The following CACNA1D variants were observed in gnomAD, a reference collection of about 807,000 sequenced individuals.
CACNA1D encodes calcium voltage-gated channel subunit alpha1 D, also known as voltage-dependent L-type calcium channel subunit alpha-1D.
Under a neutral mutation model 257.1 loss-of-function variants are expected in CACNA1D, and 55 were observed. The observed-to-expected ratio is 0.21, with a 90% confidence interval of 0.17 to 0.27. The LOEUF (loss-of-function observed/expected upper bound fraction) is 0.27. Ranked by LOEUF, CACNA1D falls within the 10% of genes least tolerant of loss-of-function variation. The pLI is 1.00. For missense variants in CACNA1D, 1,876 were observed against 2,784.0 expected, an observed-to-expected ratio of 0.67 and a Z score of 7.34; for synonymous variants, 980 against 1,014.9, an observed-to-expected ratio of 0.97 and a Z score of 0.65.
Position 53,774,882 on chromosome 3 carries a change from G to T in CACNA1D, c.4202+204G>T, listed in dbSNP as rs190083363. Among the ~76,000 whole-genome samples, 3 of 152,238 alleles carry T rather than the reference G, an allele frequency of 2.0e-5. No homozygotes were observed. The highest frequency in any genetic ancestry group is 6.5e-5 in the Admixed American group (1 of 15,278). On this transcript the variant is annotated intron_variant, in intron 34 of 47. Transcript: ENST00000350061. This position sits in a 1 kb window ranked among gnomAD's most constrained non-coding sequence, Gnocchi z 4.3. ...ATTTTGCTGGATTGTTAAAACTGCTGTGGTAATCCCGATTGTGGCTGGCAT... is the reference window on the plus strand; with the variant it reads ...ATTTTGCTGGATTGTTAAAACTGCTTTGGTAATCCCGATTGTGGCTGGCAT...
Position 53,761,932 on chromosome 3 carries a change from A to G in CACNA1D, c.3787-66A>G, listed in dbSNP as rs1576589539. On this transcript the variant is annotated intron_variant, in intron 29 of 47. Coordinates refer to ENST00000350061, the MANE Select transcript of CACNA1D (RefSeq NM_001128840.3). ...GCGGCAGGGACTCGGATTCGCCCCT[A>G]TACGGTCCGTGTGGTGGGTCATTCA... is the stretch of plus-strand genomic sequence containing the variant. 4.4e-6 allele frequency: 5 copies of G among 1,144,842 alleles called. No individual in the cohort carries two copies. In the South Asian group the frequency reaches 4.9e-5, roughly 11 times the overall value. 70.9% of individuals were successfully genotyped at this position (1,144,842 alleles called of 1,614,324 possible). A position where few individuals can be genotyped will look rare whatever the true frequency, so the allele number is the denominator to read the frequency against.
chr3:53,770,412 A>G lies in CACNA1D; in HGVS notation c.3916-12A>G, dbSNP rs754310744. ...TTCCATTGGGTTTGACCTCTCCATGATAACCCTTCAGAACTCTGAAGAGAG... is the reference window on the plus strand; with the variant it reads ...TTCCATTGGGTTTGACCTCTCCATGGTAACCCTTCAGAACTCTGAAGAGAG... On this transcript the variant is annotated splice_polypyrimidine_tract_variant and intron_variant, in intron 31 of 47. Coordinates refer to ENST00000350061, the MANE Select transcript of CACNA1D (RefSeq NM_001128840.3). 7 of 1,613,532 alleles carry G rather than the reference A, an allele frequency of 4.3e-6. No homozygotes were observed. The highest frequency in any genetic ancestry group is 8.5e-7 in the Non-Finnish European group (1 of 1,179,560).
chr3:53,812,136 T>C lies in CACNA1D; in HGVS notation c.*730T>C, dbSNP rs1241050397. 5 of 152,174 alleles carry C rather than the reference T, an allele frequency of 3.3e-5. No homozygotes were observed. The highest frequency in any genetic ancestry group is 5.9e-5 in the Non-Finnish European group (4 of 68,030). The allele number at this position is 152,174 out of a possible 1,614,324, so 9.4% of individuals were successfully genotyped here. On this transcript the variant is annotated 3_prime_UTR_variant, in exon 48 of 48. Coordinates refer to ENST00000350061, the MANE Select transcript of CACNA1D (RefSeq NM_001128840.3). ...AACCAGGTAAACTTAGATACACTAG[T>C]TTGTTTAAAATTATAGATTTACTGT... is the stretch of plus-strand genomic sequence containing the variant.
chr3:53,495,204 A>G lies in CACNA1D; in HGVS notation c.38A>G (p.Gln13Arg). ...MMMMMKKMQH[Q>R]RQQQADHANE... ...ATGATGATGAAAAAAATGCAGCATC[A>G]ACGGCAGCAGCAAGCGGACCACGCG... Residue 13 changes from glutamine (Q) to arginine (R), a missense_variant, in exon 1 of 48, where the codon CAA (glutamine) becomes CGA (arginine). Around this residue, in one of 10 missense-constraint regions of CACNA1D, gnomAD observed 143 missense variants for 168.7 expected, o/e 0.85. Coordinates refer to ENST00000350061, the MANE Select transcript of CACNA1D (RefSeq NM_001128840.3). This position sits in a 1 kb window ranked among gnomAD's most constrained non-coding sequence, Gnocchi z 5.1. 3 of 1,613,784 alleles carry G rather than the reference A, an allele frequency of 1.9e-6. No homozygotes were observed. Among genetic ancestry groups the G allele is most frequent in the South Asian group, 2.2e-5 (2 of 91,072 alleles).
chr3:53,645,961 C>T (rs1231190425), intron 3 of CACNA1D, among the ~76,000 whole-genome samples: 3 of 152,224 alleles, frequency 2.0e-5, no homozygotes, highest in African/African-American at 7.2e-5. Flanking sequence ...AGATCTATGG[C>T]TCCAAGCCCT....
Position 53,723,414 on chromosome 3 carries a change from G to C in CACNA1D, c.1667-20G>C. 1 of 1,592,996 alleles carries C rather than the reference G, an allele frequency of 6.3e-7. No individual in the cohort carries two copies. The highest frequency in any genetic ancestry group is 2.2e-5 in the East Asian group (1 of 44,768). ...GTCTTGCAGGAGACCCTGAGGATGGGTGCCCCTTTGTCTTTCCAGATATTG... is the reference window on the plus strand; with the variant it reads ...GTCTTGCAGGAGACCCTGAGGATGGCTGCCCCTTTGTCTTTCCAGATATTG... On this transcript the variant is annotated intron_variant, in intron 12 of 47. Coordinates refer to ENST00000350061, the MANE Select transcript of CACNA1D (RefSeq NM_001128840.3). This position sits in a 1 kb window ranked among gnomAD's most constrained non-coding sequence, Gnocchi z 5.6.
intron 3 of CACNA1D, among the ~76,000 whole-genome samples, chr3:53,591,323 G>A (rs1662126148): frequency 6.6e-6 from 1 of 152,124 alleles, no homozygotes; most frequent in Admixed American, 6.5e-5. Context: ...CATGACCTTG[G>A]CTCACTGTGA....
At chr3:53,517,450 G>A (rs1221522180) in intron 3 of CACNA1D, among the ~76,000 whole-genome samples, 1 of 151,912 alleles carries the variant, frequency 6.6e-6, no homozygotes, top group African/African-American at 2.4e-5. Context: ...CTTCAGACAG[G>A]AGCTGCATCA....
At chr3:53,705,213 G>A (rs888192918) in intron 9 of CACNA1D, among the ~76,000 whole-genome samples, 2 of 152,158 alleles carry the variant, frequency 1.3e-5, no homozygotes, top group African/African-American at 4.8e-5. Flanking sequence ...GAGTGGGCAG[G>A]CTGGGGCGAT....
In CACNA1D at chr3:53,646,489, T is replaced by C. The variant is rs564516190; in HGVS notation, c.484-4290T>C. On this transcript the variant is annotated intron_variant, in intron 3 of 47. Coordinates refer to ENST00000350061, the MANE Select transcript of CACNA1D (RefSeq NM_001128840.3). ...AGCTTTATTCCTTTCGGTTTTTTTC[T>C]TCTCTGCTTTCTAGTAGCACCTATG... Among the ~76,000 whole-genome samples the C allele has an allele frequency of 2.6e-5, 4 of 152,372 alleles. No homozygotes were observed. The South Asian group carries it at 8.3e-4, about 32-fold the overall frequency.
In CACNA1D at chr3:53,726,416, A is replaced by G. The variant is rs1387048983; in HGVS notation, c.2101-463A>G. On this transcript the variant is annotated intron_variant, in intron 14 of 47. Transcript: ENST00000350061. ...ACTTTGGGAGGCTGAAGTGGGCGGAACACTTGAGGTCAGGAGTTCGAGACC... is the reference window on the plus strand; with the variant it reads ...ACTTTGGGAGGCTGAAGTGGGCGGAGCACTTGAGGTCAGGAGTTCGAGACC... Among the ~76,000 whole-genome samples the G allele has an allele frequency of 3.3e-5, 5 of 150,462 alleles. No homozygotes were observed. The Admixed American group carries it at 3.3e-4, about 10-fold the overall frequency.
At chr3:53,604,558 T>C (rs2093483893) in intron 3 of CACNA1D, among the ~76,000 whole-genome samples, 1 of 147,746 alleles carries the variant, frequency 6.8e-6, no homozygotes, top group Admixed American at 6.7e-5. Context: ...AACCTTTTAA[T>C]AGCCATGGGA....
intron 20 of CACNA1D, among the ~76,000 whole-genome samples, chr3:53,737,211 C>A (rs1212155714): frequency 6.6e-6 from 1 of 151,886 alleles, no homozygotes; most frequent in Non-Finnish European, 1.5e-5. Flanking sequence ...GAGGTATGAG[C>A]AGTGAGCTGA....
At chr3:53,645,167 T>C (rs1056606667) in intron 3 of CACNA1D, among the ~76,000 whole-genome samples, 7 of 152,218 alleles carry the variant, frequency 4.6e-5, no homozygotes, top group African/African-American at 1.4e-4. Context: ...TAAAGTCAGA[T>C]TGTTTTCTTG....
chr3:53,602,011 TGTGTTAGATTA>T (rs2093449573), intron 3 of CACNA1D, among the ~76,000 whole-genome samples: 1 of 152,106 alleles, frequency 6.6e-6, no homozygotes, highest in South Asian at 2.1e-4. Context: ...ACACCCAGCC[TGTGTTAGATTA>T]GTGTTAGAGT....
intron 23 of CACNA1D, 34 bp from the exon 24 acceptor site, chr3:53,745,590 A>G (rs1274358067): frequency 6.9e-7 from 1 of 1,445,204 alleles, no homozygotes; most frequent in South Asian, 1.1e-5. Flanking sequence ...CCAAAATCAC[A>G]AAGAAGAGTC....
intron 9 of CACNA1D, among the ~76,000 whole-genome samples, chr3:53,708,191 G>A (rs1377695491): frequency 1.3e-5 from 2 of 152,254 alleles, no homozygotes; most frequent in Admixed American, 6.5e-5. Flanking sequence ...ATAAGGCATA[G>A]CAATTTGCTG....
intron 45 of CACNA1D, among the ~76,000 whole-genome samples, chr3:53,806,171 TCTCCTCC>T (rs2095564603): frequency 3.1e-5 from 1 of 32,442 alleles, no homozygotes; most frequent in Non-Finnish European, 6.2e-5. Context: ...TCCCTCCCCC[TCTCCTCC>T]CTCCTCCTCC....
intron 20 of CACNA1D, among the ~76,000 whole-genome samples, chr3:53,736,685 A>T (rs2095060316): frequency 6.6e-6 from 1 of 152,038 alleles, no homozygotes; most frequent in African/African-American, 2.4e-5. Context: ...TGAGCCCAGG[A>T]GTTCAAGACT....
Sources: gnomAD v4.1 joint callset for allele counts (sites outside exome capture counted in the v4.1 genomes callset) on GRCh38, gnomAD v4.1.1 for gene constraint, gnomAD v4.1.1 regional missense constraint, Gnocchi (gnomAD v3.1) non-coding constraint, MANE v1.5 for transcripts, NCBI Gene and HGNC (gene_info 2026-07-23, HGNC 2026-07-21) for gene names.